The following SV2C variants were observed in gnomAD, a reference collection of about 807,000 sequenced individuals.
SV2C encodes solute carrier family 22 member B3.
A neutral mutation model predicts 79.7 loss-of-function variants in SV2C; 49 were observed. The ratio of observed to expected loss-of-function variants is 0.61; its 90% confidence interval spans 0.49 to 0.78. The LOEUF is 0.78. Among genes scored for constraint, SV2C ranks in the 30% least tolerant of loss-of-function variants. The pLI is 0.00. For missense variants in SV2C, 833 were observed against 912.9 expected, an observed-to-expected ratio of 0.91 and a Z score of 1.13; for synonymous variants, 334 against 333.2, an observed-to-expected ratio of 1.00 and a Z score of -0.03.
chr5:76,175,916 C>T (rs1406840850), intron 2 of SV2C, among the ~76,000 whole-genome samples: 1 of 152,096 alleles, frequency 6.6e-6, no homozygotes, highest in Non-Finnish European at 1.5e-5. Context: ...AGAATCTCCG[C>T]ATGGGGATGG....
At chr5:75,879,369 C>A in the SV2C span, among the ~76,000 whole-genome samples, 1 of 152,250 alleles carries the variant, frequency 6.6e-6, no homozygotes, top group South Asian at 2.1e-4. Context: ...AAAATCAAAA[C>A]AAGTTATTTC....
At chr5:76,307,488 AG>A (rs1748239168) in intron 12 of SV2C, among the ~76,000 whole-genome samples, 1 of 152,186 alleles carries the variant, frequency 6.6e-6, no homozygotes, top group Non-Finnish European at 1.5e-5. Context: ...CAATTTGATT[AG>A]GTGGCACTTA....
intron 4 of SV2C, among the ~76,000 whole-genome samples, chr5:76,215,852 CA>C (rs1744895649): frequency 6.6e-6 from 1 of 152,024 alleles, no homozygotes; most frequent in Non-Finnish European, 1.5e-5. Flanking sequence ...TGATAAATAA[CA>C]CAGAGGCTCG....
At chr5:75,859,471 T>G in the SV2C span, among the ~76,000 whole-genome samples, 1 of 152,090 alleles carries the variant, frequency 6.6e-6, no homozygotes, top group Non-Finnish European at 1.5e-5. Flanking sequence ...GAGAAAGAAA[T>G]AAATAGAAAC....
intron 1 of SV2C, among the ~76,000 whole-genome samples, chr5:76,125,419 A>G (rs1335951289): frequency 6.6e-6 from 1 of 152,198 alleles, no homozygotes; most frequent in African/African-American, 2.4e-5. Flanking sequence ...TAGAATTTAA[A>G]GGATTTTAGT....
chr5:76,214,961 A>G (rs766197422), intron 4 of SV2C, among the ~76,000 whole-genome samples: 1 of 152,116 alleles, frequency 6.6e-6, no homozygotes, highest in Non-Finnish European at 1.5e-5. Flanking sequence ...ACCTGCAGAA[A>G]CATACTCTTG....
At chr5:76,159,426 C>T (rs6887093) in intron 2 of SV2C, among the ~76,000 whole-genome samples, 9,718 of 152,096 alleles carry the variant, frequency 0.064, 376 homozygotes, top group African/African-American at 0.08. Flanking sequence ...ACAAGTCCAG[C>T]AAGTACATTA....
intron 12 of SV2C, among the ~76,000 whole-genome samples, chr5:76,313,208 G>A (rs902241213): frequency 8.5e-5 from 13 of 152,232 alleles, no homozygotes; most frequent in African/African-American, 2.4e-4. Flanking sequence ...TACATTCTAC[G>A]TCTAATATAA....
chr5:76,015,301 A>T, the SV2C span, among the ~76,000 whole-genome samples: 28 of 135,510 alleles, frequency 2.1e-4, no homozygotes, highest in Non-Finnish European at 1.7e-5. Context: ...CTGGACATGT[A>T]GCATGAACAA....
chr5:76,324,361 G>T (rs1308439242), intron 12 of SV2C, among the ~76,000 whole-genome samples: 2 of 152,194 alleles, frequency 1.3e-5, no homozygotes, highest in Non-Finnish European at 1.5e-5. Context: ...AGTCACTCTT[G>T]TAAAGAGATG....
At chr5:76,000,759 T>C in the SV2C span, among the ~76,000 whole-genome samples, 1 of 152,128 alleles carries the variant, frequency 6.6e-6, no homozygotes, top group Non-Finnish European at 1.5e-5. Flanking sequence ...CACACTGCTG[T>C]GTCACTGGAT....
the SV2C span, among the ~76,000 whole-genome samples, chr5:75,964,764 T>G: frequency 6.6e-6 from 1 of 152,242 alleles, no homozygotes; most frequent in Non-Finnish European, 1.5e-5. Flanking sequence ...TTCTCTGTAT[T>G]ACTATGAGTT....
the SV2C span, among the ~76,000 whole-genome samples, chr5:76,006,804 T>C: frequency 0.37 from 56,362 of 151,624 alleles, 10,625 homozygotes; most frequent in East Asian, 0.46. Flanking sequence ...GTTCCTCTGA[T>C]ATTCTACAGC....
At chr5:75,957,349 A>G in the SV2C span, among the ~76,000 whole-genome samples, 15 of 152,024 alleles carry the variant, frequency 9.9e-5, no homozygotes, top group African/African-American at 3.4e-4. Flanking sequence ...GATAGATTAT[A>G]GCCAATAACT....
chr5:76,126,757 T>C (rs919014904), intron 1 of SV2C, among the ~76,000 whole-genome samples: 5 of 152,032 alleles, frequency 3.3e-5, no homozygotes, highest in African/African-American at 1.2e-4. Context: ...TACACACCCA[T>C]GCTGTTTCAG....
At position 76,298,835 on chromosome 5, in the gene SV2C, C is replaced by T. The variant is rs1365176808; in HGVS notation, c.1544C>T (p.Ser515Phe). 6.2e-7 allele frequency: 1 copy of T among 1,613,826 alleles called. No homozygotes were observed. Among genetic ancestry groups the T allele is most frequent in the Non-Finnish European group, 8.5e-7 (1 of 1,179,888 alleles). ...TTCAAATCTGTAACTTTCAAAGACT[C>T]TGTTTTTAAGTCCTGCACCTTTGAG... is the stretch of plus-strand genomic sequence containing the variant. Reference protein sequence around the residue: ...VKFKSVTFKDSVFKSCTFEDV... With the variant: ...VKFKSVTFKDFVFKSCTFEDV... Residue 515 changes from serine to phenylalanine, a missense_variant, in exon 10 of 13, where the codon TCT becomes TTT. Transcript: ENST00000502798.
chr5:76,330,883 GTCTCGC>G lies in SV2C; in HGVS notation c.*5340_*5345del, dbSNP rs1749165897. ...TTTGGGCGGGGGGGCGGGGGACGGA[GTCTCGC>G]TCTATTACTTAGGCCGGAGTGCAGT... On this transcript the variant is annotated 3_prime_UTR_variant, in exon 13 of 13. Transcript: ENST00000502798. 1.3e-5 allele frequency: 2 copies of G among 149,742 alleles called. No individual in the cohort carries two copies. Among genetic ancestry groups the G allele is most frequent in the South Asian group, 4.2e-4 (2 of 4,736 alleles). 9.3% of individuals were successfully genotyped at this position (149,742 alleles called of 1,614,324 possible). A position where few individuals can be genotyped will look rare whatever the true frequency, so the allele number is the denominator to read the frequency against.
At chr5:75,858,789 G>A in the SV2C span, among the ~76,000 whole-genome samples, 3,767 of 152,164 alleles carry the variant, frequency 0.025, 87 homozygotes, top group South Asian at 0.053. Context: ...CTTGTTATTG[G>A]TCTTTCAGGT....
At chr5:75,907,849 CTA>C in the SV2C span, among the ~76,000 whole-genome samples, 2 of 152,220 alleles carry the variant, frequency 1.3e-5, no homozygotes, top group African/African-American at 4.8e-5. Flanking sequence ...GGAAGACAGA[CTA>C]TTAAAAGTGC....
Sources: allele counts gnomAD v4.1 joint callset (sites outside exome capture counted in the v4.1 genomes callset), GRCh38; gene constraint gnomAD v4.1.1; transcripts MANE v1.5; gene names NCBI Gene and HGNC (gene_info 2026-07-23, HGNC 2026-07-21).